Variants in MYCBP2 observed in about 807,000 individuals in gnomAD.
The protein encoded by MYCBP2 is MYC binding protein 2.
MYCBP2 carries 120 observed loss-of-function variants against 525.3 expected under a neutral mutation model. That is an observed-to-expected ratio of 0.23 (90% confidence interval 0.20 to 0.27). The LOEUF (loss-of-function observed/expected upper bound fraction) is 0.27. Among genes scored for constraint, MYCBP2 ranks in the 10% least tolerant of loss-of-function variants. The probability of loss-of-function intolerance (pLI) is 1.00; values close to 1 mark genes in which losing one functional copy is unlikely to be tolerated. For missense variants in MYCBP2, 4,149 were observed against 5,657.1 expected (o/e 0.73, Z 8.55); for synonymous variants, 1,894 against 1,955.8 (o/e 0.97, Z 0.83).
At position 77,180,139 on chromosome 13, in the gene MYCBP2, G is replaced by C. The variant is rs1317773665; in HGVS notation, c.5121C>G (p.Ala1707=). 6 of 1,613,358 alleles carry C rather than the reference G, an allele frequency of 3.7e-6. No homozygotes were observed. The highest frequency in any genetic ancestry group is 4.2e-6 in the Non-Finnish European group (5 of 1,179,660). ...ASIVSELTAS[A]LGSEVDGLNS... ...TATAATGTATTACCTCAGATCCCAG[G>C]GCTGACGCTGTCAGTTCACTGACAA... The change falls in exon 34 of 83, where the codon GCC becomes GCG. Residue 1707 remains alanine (A), a synonymous_variant. Coordinates refer to ENST00000544440, the MANE Select transcript of MYCBP2 (RefSeq NM_015057.5).
chr13:77,272,773 G>T (rs1302648091), intron 5 of MYCBP2, among the ~76,000 whole-genome samples: 1 of 152,136 alleles, frequency 6.6e-6, no homozygotes, highest in Non-Finnish European at 1.5e-5. Flanking sequence ...TACTCCTTTT[G>T]CTATCTTTGG....
At chr13:77,065,951 C>T in intron 72 of MYCBP2, 41 bp downstream of exon 72, 11 of 1,483,210 alleles carry the variant, frequency 7.4e-6, no homozygotes, top group Non-Finnish European at 1.0e-5. Context: ...TGTCAGCTTC[C>T]TGCCGCACTT....
intron 14 of MYCBP2, among the ~76,000 whole-genome samples, chr13:77,254,351 T>C (rs1026825683): frequency 1.3e-5 from 2 of 151,760 alleles, no homozygotes; most frequent in East Asian, 3.8e-4. Context: ...AAGGGGGATA[T>C]GGGGCACTTG....
chr13:77,294,104 C>CTATACA, intron 2 of MYCBP2, among the ~76,000 whole-genome samples: 1 of 41,910 alleles, frequency 2.4e-5, no homozygotes, highest in Admixed American at 3.3e-4. Flanking sequence ...GATATAATGG[C>CTATACA]TATATATATA....
chr13:77,299,653 A>G (rs1036964333), intron 1 of MYCBP2, among the ~76,000 whole-genome samples: 34 of 152,182 alleles, frequency 2.2e-4, no homozygotes, highest in Non-Finnish European at 4.0e-4. Context: ...AATATAAAAG[A>G]GAAACTCTAA....
chr13:77,251,449 G>T, intron 14 of MYCBP2, 94 bp from the exon 15 acceptor site: 3 of 991,698 alleles, frequency 3.0e-6, no homozygotes, highest in Non-Finnish European at 4.6e-6. Context: ...ATGACAGCAT[G>T]CTAATCCAAG....
intron 82 of MYCBP2, among the ~76,000 whole-genome samples, chr13:77,050,558 C>T (rs1410991544): frequency 6.6e-6 from 1 of 151,792 alleles, no homozygotes; most frequent in African/African-American, 2.4e-5. Context: ...TCTTTAATTC[C>T]CTTGACTTTC....
chr13:77,257,594 A>G, intron 14 of MYCBP2, 77 bp downstream of exon 14: 2 of 1,369,482 alleles, frequency 1.5e-6, no homozygotes, highest in Non-Finnish European at 1.9e-6. Flanking sequence ...GAAAAGAACA[A>G]GACTTTTCAC....
chr13:77,207,983 ATGAG>A (rs779329858), intron 23 of MYCBP2, among the ~76,000 whole-genome samples: 3 of 149,032 alleles, frequency 2.0e-5, no homozygotes, highest in Non-Finnish European at 3.0e-5. Flanking sequence ...CCCCAGATGA[ATGAG>A]TATTTGACTG....
intron 55 of MYCBP2, among the ~76,000 whole-genome samples, chr13:77,101,635 G>C (rs2047082125): frequency 6.6e-6 from 1 of 151,968 alleles, no homozygotes; most frequent in Non-Finnish European, 1.5e-5. Flanking sequence ...AGTGGTGACA[G>C]CTAAATACCT....
At chr13:77,130,864 A>G (rs1357049573) in intron 52 of MYCBP2, among the ~76,000 whole-genome samples, 1 of 152,188 alleles carries the variant, frequency 6.6e-6, no homozygotes, top group East Asian at 1.9e-4. Flanking sequence ...AAAGTAATGC[A>G]GGTAAAGTTA....
At chr13:77,304,456 G>A (rs1371370004) in intron 1 of MYCBP2, among the ~76,000 whole-genome samples, 1 of 152,194 alleles carries the variant, frequency 6.6e-6, no homozygotes, top group Admixed American at 6.5e-5. Flanking sequence ...AAGTAGAAGA[G>A]TTGTTGAAGA....
At chr13:77,185,435 C>A (rs1426998320) in intron 31 of MYCBP2, 58 bp from the exon 32 acceptor site, 1 of 1,513,154 alleles carries the variant, frequency 6.6e-7, no homozygotes, top group Admixed American at 1.8e-5. Context: ...TGCATGAAAA[C>A]AATCAATATA....
In MYCBP2 at chr13:77,098,429, T is replaced by C. The variant is rs937655445; in HGVS notation, c.8725A>G (p.Thr2909Ala). 3 of 1,613,704 alleles carry C rather than the reference T, an allele frequency of 1.9e-6. No individual in the cohort carries two copies. The highest frequency in any genetic ancestry group is 2.2e-5 in the South Asian group (2 of 91,076). The stretch of plus-strand genomic sequence containing the variant: ...CTATTTTCAGATCCAGGGGAATCTG[T>C]AGAATCCTTTGGTACTGATTTTGGT... ...PKPKSVPKDS[T>A]DSPGSENRAP... Residue 2909 changes from threonine (T) to alanine (A), a missense_variant, in exon 56 of 83, where the codon ACA (threonine) becomes GCA (alanine). Thr to Ala is a moderately conservative substitution (Grantham distance 58). Transcript: ENST00000544440.
intron 20 of MYCBP2, among the ~76,000 whole-genome samples, chr13:77,219,069 G>A (rs779553943): frequency 2.0e-5 from 3 of 152,088 alleles, no homozygotes; most frequent in African/African-American, 7.2e-5. Flanking sequence ...CTTAAGCTAT[G>A]AGAATGAATG....
chr13:77,217,777 A>T, intron 21 of MYCBP2, 63 bp downstream of exon 21: 1 of 998,744 alleles, frequency 1.0e-6, no homozygotes, highest in Non-Finnish European at 1.5e-6. Context: ...AAAAGAGCTA[A>T]TATAGACAAA....
chr13:77,230,374 A>AT (rs1440761311), intron 18 of MYCBP2, among the ~76,000 whole-genome samples: 1 of 152,238 alleles, frequency 6.6e-6, no homozygotes, highest in Non-Finnish European at 1.5e-5. Flanking sequence ...AAACTAGAAG[A>AT]TAAACTGGGT....
intron 2 of MYCBP2, among the ~76,000 whole-genome samples, chr13:77,294,103 G>GATATATATATATAT (rs2077772734): frequency 2.6e-4 from 1 of 3,912 alleles, no homozygotes; most frequent in Non-Finnish European, 9.8e-4. Context: ...AGATATAATG[G>GATATATATATATAT]CTATATATAT....
chr13:77,095,432 C>T lies in MYCBP2; in HGVS notation c.10125G>A (p.Leu3375=). 6.2e-7 allele frequency: 1 copy of T among 1,613,482 alleles called. No individual in the cohort carries two copies. The highest frequency in any genetic ancestry group is 1.7e-5 in the Admixed American group (1 of 59,912). ...YHPAKPFQSQ[L]PSVKEGISED... ...CAGAAATGCCTTCTTTTACACTGGG[C>T]AACTGAGATTGGAATGGCTTTGCAG... The change falls in exon 58 of 83, where the codon TTG becomes TTA. Residue 3375 remains leucine (L), a synonymous_variant. Transcript: ENST00000544440.
Sources: gnomAD v4.1 joint callset for allele counts (sites outside exome capture counted in the v4.1 genomes callset) on GRCh38, gnomAD v4.1.1 for gene constraint, MANE v1.5 for transcripts, NCBI Gene and HGNC (gene_info 2026-07-23, HGNC 2026-07-21) for gene names.